The following KPNA7 variants were observed in gnomAD, a reference collection of about 807,000 sequenced individuals.
The protein encoded by KPNA7 is importin subunit alpha-8.
In KPNA7, 54 loss-of-function variants were observed where a neutral mutation model predicts 53.7. That is an observed-to-expected ratio of 1.01 (90% confidence interval 0.81 to 1.26). KPNA7 has a LOEUF of 1.26. Ranked by LOEUF, KPNA7 falls within the 50% of genes most tolerant of loss-of-function variation. The pLI, the probability that KPNA7 is intolerant of heterozygous loss-of-function variation, is 0.00. For missense variants in KPNA7, 640 were observed against 644.5 expected, an observed-to-expected ratio of 0.99 and a Z score of 0.07; for synonymous variants, 276 against 259.3, an observed-to-expected ratio of 1.06 and a Z score of -0.62.
chr7:99,181,832 T>C, intron 9 of KPNA7, 51 bp downstream of exon 9: 4 of 1,404,010 alleles, frequency 2.8e-6, no homozygotes, highest in Non-Finnish European at 3.8e-6. Flanking sequence ...TAAATGCTTG[T>C]ATCCAGTTGG....
At chr7:99,174,786 A>C (rs559370480) in intron 10 of KPNA7, among the ~76,000 whole-genome samples, 1 of 151,116 alleles carries the variant, frequency 6.6e-6, no homozygotes, top group African/African-American at 2.4e-5. Flanking sequence ...CAGGGATCAA[A>C]CCCCCTTTAA....
At chr7:99,203,561 T>A (rs1238061400) in intron 2 of KPNA7, among the ~76,000 whole-genome samples, 1 of 152,118 alleles carries the variant, frequency 6.6e-6, no homozygotes, top group African/African-American at 2.4e-5. Context: ...TCTTCATTGA[T>A]GCTGATGATT....
At chr7:99,149,020 C>T in the KPNA7 span, among the ~76,000 whole-genome samples, 2 of 151,612 alleles carry the variant, frequency 1.3e-5, no homozygotes, top group African/African-American at 2.4e-5. Flanking sequence ...CTCAGCCTTC[C>T]GAGTAGCTGG....
chr7:99,180,745 GTCTC>G (rs142155203), intron 9 of KPNA7, among the ~76,000 whole-genome samples: 2 of 52,770 alleles, frequency 3.8e-5, no homozygotes, highest in Admixed American at 2.0e-4. Flanking sequence ...CTCTCCCCGT[GTCTC>G]TCTCTCTCTC....
chr7:99,194,355 T>TG (rs1368686700), intron 5 of KPNA7, among the ~76,000 whole-genome samples: 6 of 152,150 alleles, frequency 3.9e-5, no homozygotes, highest in African/African-American at 9.7e-5. Context: ...TTGTTGTTGT[T>TG]TTGTTTTTGT....
chr7:99,209,945 G>A (rs1791016926), upstream of KPNA7, among the ~76,000 whole-genome samples: 1 of 151,996 alleles, frequency 6.6e-6, no homozygotes, highest in Non-Finnish European at 1.5e-5. Flanking sequence ...AGTCAAGGCT[G>A]CAGTGAGCCA....
At chr7:99,190,091 C>A (rs1409908490) in intron 6 of KPNA7, among the ~76,000 whole-genome samples, 1 of 151,938 alleles carries the variant, frequency 6.6e-6, no homozygotes, top group East Asian at 1.9e-4. Flanking sequence ...GTAACCCCAA[C>A]ACTTTGGGAG....
At chr7:99,180,555 C>CTCCGTCTGTCTCCGTCTGTCTCTGTCCA in intron 9 of KPNA7, among the ~76,000 whole-genome samples, 1 of 141,538 alleles carries the variant, frequency 7.1e-6, no homozygotes, top group Non-Finnish European at 1.5e-5. Flanking sequence ...CTCCGTCTGT[C>CTCCGTCTGTCTCCGTCTGTCTCTGTCCA]TCTGTCTCTG....
At chr7:99,170,064 G>A (rs973509236), downstream of KPNA7, among the ~76,000 whole-genome samples, 3 of 152,134 alleles carry the variant, frequency 2.0e-5, no homozygotes, top group African/African-American at 7.2e-5. Flanking sequence ...AGCTCTGATC[G>A]TTGGGATCAC....
intron 1 of KPNA7, among the ~76,000 whole-genome samples, chr7:99,214,320 G>A (rs1369248948): frequency 2.6e-5 from 4 of 151,642 alleles, no homozygotes; most frequent in African/African-American, 7.3e-5. Flanking sequence ...GCATGTGCCT[G>A]TAGTCCAAGC....
upstream of KPNA7, among the ~76,000 whole-genome samples, chr7:99,208,574 G>A (rs903740189): frequency 1.3e-5 from 2 of 149,270 alleles, no homozygotes; most frequent in African/African-American, 5.0e-5. Flanking sequence ...CTTATTTTTG[G>A]TTTTGTTTGT....
chr7:99,175,513 AT>A (rs368902867), intron 10 of KPNA7, among the ~76,000 whole-genome samples: 36,381 of 139,050 alleles, frequency 0.26, 4,758 homozygotes, highest in South Asian at 0.45. Flanking sequence ...TTATTTATTT[AT>A]TTATTTATTA....
upstream of KPNA7, among the ~76,000 whole-genome samples, chr7:99,211,692 A>G (rs936939672): frequency 2.0e-5 from 3 of 152,174 alleles, no homozygotes; most frequent in Non-Finnish European, 4.4e-5. Flanking sequence ...ACAGGAGAGC[A>G]TGTCAGCTGA....
intron 1 of KPNA7, among the ~76,000 whole-genome samples, chr7:99,215,483 C>T (rs892108627): frequency 6.6e-6 from 1 of 151,952 alleles, no homozygotes; most frequent in Non-Finnish European, 1.5e-5. Flanking sequence ...CAGGGTCCTC[C>T]CCACTCCTTG....
chr7:99,211,939 C>G (rs942118706), upstream of KPNA7, among the ~76,000 whole-genome samples: 3 of 152,234 alleles, frequency 2.0e-5, no homozygotes, highest in East Asian at 1.9e-4. Context: ...TAAACATTCA[C>G]GAAGCTCTCA....
intron 6 of KPNA7, among the ~76,000 whole-genome samples, chr7:99,191,403 C>G (rs1380039842): frequency 6.6e-6 from 1 of 152,128 alleles, no homozygotes; most frequent in African/African-American, 2.4e-5. Flanking sequence ...ATCTGCCCAC[C>G]TCGGCCTCCC....
At chr7:99,187,299 AAAT>A (rs1224563113) in intron 7 of KPNA7, among the ~76,000 whole-genome samples, 4 of 152,170 alleles carry the variant, frequency 2.6e-5, no homozygotes, top group African/African-American at 9.7e-5. Context: ...CACACAAAAA[AAAT>A]AATAACCTAG....
At chr7:99,213,631 GAT>G (rs1338322074) in intron 1 of KPNA7, among the ~76,000 whole-genome samples, 1 of 151,788 alleles carries the variant, frequency 6.6e-6, no homozygotes, top group Non-Finnish European at 1.5e-5. Context: ...TTTTTGTAGA[GAT>G]GGGGTCTTAC....
At chr7:99,177,201 T>C (rs1392844149) in intron 10 of KPNA7, among the ~76,000 whole-genome samples, 1 of 152,176 alleles carries the variant, frequency 6.6e-6, no homozygotes, top group Admixed American at 6.5e-5. Context: ...AGCAAAATGA[T>C]GGTTACTAAA....
Sources: gnomAD v4.1 joint callset for allele counts (sites outside exome capture counted in the v4.1 genomes callset) on GRCh38, gnomAD v4.1.1 for gene constraint, MANE v1.5 for transcripts, NCBI Gene and HGNC (gene_info 2026-07-23, HGNC 2026-07-21) for gene names.